NRDC: variants seen among roughly 807,000 people sequenced by gnomAD.
NRDC encodes the protein nardilysin convertase.
Under a neutral mutation model 147.1 loss-of-function variants are expected in NRDC, and 54 were observed. The observed-to-expected ratio is 0.37, with a 90% CI of 0.29 to 0.46. The LOEUF is 0.46. NRDC is among the 20% of genes least tolerant of loss of function. The pLI is 1.00. For missense variants in NRDC, 1,082 were observed against 1,370.6 expected (o/e 0.79, Z 3.33); for synonymous variants, 440 against 482.1 (o/e 0.91, Z 1.14).
chr1:51,864,300 C>CTGT (rs1221101081), intron 1 of NRDC, among the ~76,000 whole-genome samples: 3 of 152,218 alleles, frequency 2.0e-5, no homozygotes, highest in Middle Eastern at 3.4e-3. Context: ...AATCTCATTA[C>CTGT]AAATCAGATT....
At chr1:51,833,483 ATAAT>A (rs541317102) in intron 4 of NRDC, among the ~76,000 whole-genome samples, 142 of 152,158 alleles carry the variant, frequency 9.3e-4, no homozygotes, top group Admixed American at 3.1e-3. Flanking sequence ...CAGAGAATAC[ATAAT>A]TAATAAAATT....
In NRDC at chr1:51,794,683, T is replaced by C. The variant is rs958706809; in HGVS notation, c.2637-73A>G. ...AAGCTAGGCCTTCTAACTTTTCAAT[T>C]GCCTTGTACACCAGCCTCAAAAAAA... On this transcript the variant is annotated intron_variant, in intron 23 of 30. Coordinates refer to ENST00000352171, the MANE Select transcript of NRDC (RefSeq NM_001101662.2). 6 of 1,591,860 alleles carry C rather than the reference T, an allele frequency of 3.8e-6. No homozygotes were observed. The African/African-American group carries it at 8.1e-5, about 22-fold the overall frequency.
At chr1:51,842,953 A>T (rs1681343857) in intron 1 of NRDC, among the ~76,000 whole-genome samples, 1 of 151,312 alleles carries the variant, frequency 6.6e-6, no homozygotes, top group Non-Finnish European at 1.5e-5. Context: ...GGTCCCAGCT[A>T]CTCCAGAGGC....
chr1:51,869,373 C>G (rs1299016664), intron 1 of NRDC, among the ~76,000 whole-genome samples: 1 of 152,160 alleles, frequency 6.6e-6, no homozygotes, highest in Non-Finnish European at 1.5e-5. Flanking sequence ...AAAGTCAAAT[C>G]TCTCCTTCCT....
At position 51,877,118 on chromosome 1, in the gene NRDC, G is replaced by A. The variant is rs1023765165; in HGVS notation, c.341+1157C>T. ...CAGGAGAATCGCTTGAACCCGGGAGGCGGAGGTTGCAGTGAGCCAAGATCG... is the reference window on the plus strand; with the variant it reads ...CAGGAGAATCGCTTGAACCCGGGAGACGGAGGTTGCAGTGAGCCAAGATCG... On this transcript the variant is annotated intron_variant, in intron 1 of 30. Transcript: ENST00000352171. Among the ~76,000 whole-genome samples the A allele has an allele frequency of 3.3e-5, 5 of 151,842 alleles. No homozygotes were observed. In the East Asian group the frequency reaches 9.6e-4, roughly 29 times the overall value.
chr1:51,791,332 A>T (rs1268088671), intron 27 of NRDC, among the ~76,000 whole-genome samples: 1 of 152,188 alleles, frequency 6.6e-6, no homozygotes, highest in African/African-American at 2.4e-5. Flanking sequence ...GTCTGCCTGA[A>T]GAGAAGAAAC....
At chr1:51,817,356 C>A (rs1464415763) in intron 10 of NRDC, among the ~76,000 whole-genome samples, 1 of 108,666 alleles carries the variant, frequency 9.2e-6, no homozygotes, top group Non-Finnish European at 1.7e-5. Context: ...GCATTTATTT[C>A]TAACTGGAAA....
At chr1:51,817,437 A>T (rs914306932) in intron 10 of NRDC, among the ~76,000 whole-genome samples, 3 of 152,222 alleles carry the variant, frequency 2.0e-5, no homozygotes, top group Non-Finnish European at 2.9e-5. Context: ...CTCATATAAG[A>T]TAACTATACA....
chr1:51,843,246 G>A (rs1681361982), intron 1 of NRDC, among the ~76,000 whole-genome samples: 1 of 150,350 alleles, frequency 6.7e-6, no homozygotes. Flanking sequence ...GCAGATGCAG[G>A]AAAGCTCTCT....
chr1:51,823,836 A>T, intron 6 of NRDC, 50 bp from the exon 7 acceptor site: 3 of 1,373,210 alleles, frequency 2.2e-6, no homozygotes, highest in Non-Finnish European at 2.0e-6. Context: ...AACTTTGTTA[A>T]AAGTCTTCTA....
At chr1:51,840,106 A>C in intron 2 of NRDC, 120 bp downstream of exon 2, 2 of 731,338 alleles carry the variant, frequency 2.7e-6, no homozygotes, top group Non-Finnish European at 4.6e-6. Context: ...TACAGAATAG[A>C]CCTTTACTGA....
intron 14 of NRDC, 145 bp downstream of exon 14, chr1:51,813,890 G>C: frequency 1.6e-6 from 1 of 612,788 alleles, no homozygotes; most frequent in Non-Finnish European, 3.0e-6. Flanking sequence ...TTAATTTTCA[G>C]ATAGCTTCAA....
chr1:51,878,023 T>G (rs927606684), intron 1 of NRDC: 1 of 1,344,426 alleles, frequency 7.4e-7, no homozygotes. Context: ...CATTCTTGCT[T>G]TAGCGACTGT....
chr1:51,805,955 T>C (rs556101020), intron 18 of NRDC, among the ~76,000 whole-genome samples: 2 of 152,300 alleles, frequency 1.3e-5, no homozygotes, highest in South Asian at 4.1e-4. Context: ...TAGAAACTCA[T>C]AAGCTATTCA....
chr1:51,844,681 C>A (rs1681446830), intron 1 of NRDC, among the ~76,000 whole-genome samples: 1 of 150,132 alleles, frequency 6.7e-6, no homozygotes, highest in South Asian at 2.1e-4. Context: ...GAGGCGAAGG[C>A]TGCAGTGAGC....
chr1:51,853,224 A>AAT lies in NRDC; in HGVS notation c.342-12712_342-12711dup, dbSNP rs370655614. Among the ~76,000 whole-genome samples, 152 of 148,662 alleles carry AAT rather than the reference A, an allele frequency of 1.0e-3. 1 individual carries two copies. Among genetic ancestry groups the AAT allele is most frequent in the African/African-American group, 3.1e-3 (125 of 40,406 alleles). ...CAGAGGGAGACTGTCTCCAAAAAAA[A>AAT]ATATATATATATATATTATATAAAA... is the stretch of plus-strand genomic sequence containing the variant. On this transcript the variant is annotated intron_variant, in intron 1 of 30. Coordinates refer to ENST00000352171, the MANE Select transcript of NRDC (RefSeq NM_001101662.2).
chr1:51,834,287 GGTTATGTCT>G, intron 3 of NRDC, 117 bp from the exon 4 acceptor site: 1 of 1,028,410 alleles, frequency 9.7e-7, no homozygotes, highest in Non-Finnish European at 1.4e-6. Context: ...CACATCAAAT[GGTTATGTCT>G]GAATTCTTTT....
intron 17 of NRDC, 83 bp from the exon 18 acceptor site, chr1:51,806,996 T>A: frequency 6.6e-7 from 1 of 1,513,408 alleles, no homozygotes; most frequent in Non-Finnish European, 8.8e-7. Context: ...GAAGTCTAAG[T>A]AACTTTTCTC....
intron 1 of NRDC, among the ~76,000 whole-genome samples, chr1:51,874,572 G>C (rs1683236602): frequency 6.6e-6 from 1 of 152,114 alleles, no homozygotes; most frequent in Non-Finnish European, 1.5e-5. Flanking sequence ...TGGCGCCACT[G>C]CACTCCAGCC....
Sources: allele counts gnomAD v4.1 joint callset (sites outside exome capture counted in the v4.1 genomes callset), GRCh38; gene constraint gnomAD v4.1.1; transcripts MANE v1.5; gene names NCBI Gene and HGNC (gene_info 2026-07-23, HGNC 2026-07-21).